Variants in ZNF140 observed in about 807,000 individuals in gnomAD.
ZNF140 encodes zinc finger protein 140, also known as zinc finger protein 140 (clone pHZ-39).
ZNF140 carries 13 observed loss-of-function variants against 12.9 expected under a neutral mutation model. The ratio of observed to expected loss-of-function variants is 1.01; its 90% CI spans 0.66 to 1.60. The LOEUF (loss-of-function observed/expected upper bound fraction) is 1.60. ZNF140 is among the 40% of genes most tolerant of loss of function. The pLI is 0.00. For missense variants in ZNF140, 531 were observed against 548.8 expected (o/e 0.97, Z 0.32); for synonymous variants, 214 against 186.7 (o/e 1.15, Z -1.19).
At position 133,104,095 on chromosome 12, in the gene ZNF140, T is replaced by G. The variant is rs1955470735; in HGVS notation, c.233-1415T>G. 3.9e-5 allele frequency among the ~76,000 whole-genome samples: 6 copies of G among 152,286 alleles called. No homozygotes were observed. In the South Asian group the frequency reaches 1.0e-3, roughly 26 times the overall value. On this transcript the variant is annotated intron_variant, in intron 4 of 4. Coordinates refer to ENST00000355557, the MANE Select transcript of ZNF140 (RefSeq NM_003440.4). The stretch of plus-strand genomic sequence containing the variant: ...ACTGTGAGAGCAATAACAGATAACA[T>G]TTTTCCCAAAGTGCCAACGTATGTT...
chr12:133,091,500 C>G (rs1397469224), intron 4 of ZNF140, among the ~76,000 whole-genome samples: 1 of 150,918 alleles, frequency 6.6e-6, no homozygotes, highest in East Asian at 1.9e-4. Flanking sequence ...TCTTCCCTTT[C>G]TACATAGGCA....
rs1297772962 is a variant in ZNF140 at position 133,081,367 on chromosome 12, ATAT to A, written c.9+39_9+41del. The A allele has an allele frequency of 5.8e-3, 1,521 of 264,336 alleles. 50 individuals carry two copies. The highest frequency in any genetic ancestry group is 8.0e-3 in the Non-Finnish European group (1,247 of 156,098). 16.4% of individuals were successfully genotyped at this position (264,336 alleles called of 1,614,324 possible). On this transcript the variant is annotated intron_variant, in intron 2 of 4. Coordinates refer to ENST00000355557, the MANE Select transcript of ZNF140 (RefSeq NM_003440.4). ...TTGATAAATATATATATATATATATATATAAATTTTTATTTTTTTTTTAAGAGA... is the reference window on the plus strand; with the variant it reads ...TTGATAAATATATATATATATATATAAAATTTTTATTTTTTTTTTAAGAGA...
chr12:133,090,165 G>T (rs1044717146), intron 4 of ZNF140, among the ~76,000 whole-genome samples: 2 of 151,806 alleles, frequency 1.3e-5, no homozygotes, highest in African/African-American at 4.8e-5. Flanking sequence ...TTTGAGACAG[G>T]ATCTTGCTCT....
At chr12:133,095,029 AC>A (rs1449164227) in intron 4 of ZNF140, among the ~76,000 whole-genome samples, 2 of 151,100 alleles carry the variant, frequency 1.3e-5, no homozygotes, top group Non-Finnish European at 2.9e-5. Flanking sequence ...GGCATCAGAA[AC>A]TGAAACTCTA....
chr12:133,099,337 C>T (rs1452243413), intron 4 of ZNF140, among the ~76,000 whole-genome samples: 3 of 151,860 alleles, frequency 2.0e-5, no homozygotes, highest in Admixed American at 6.6e-5. Flanking sequence ...CCACCACGTC[C>T]GGCTAATTTT....
At chr12:133,085,879 C>A (rs1954657944) in intron 4 of ZNF140, among the ~76,000 whole-genome samples, 1 of 152,086 alleles carries the variant, frequency 6.6e-6, no homozygotes, top group Non-Finnish European at 1.5e-5. Flanking sequence ...GCTAGCTAGG[C>A]ATGGTGGCAT....
intron 4 of ZNF140, among the ~76,000 whole-genome samples, chr12:133,101,696 A>G (rs771771082): frequency 4.0e-5 from 6 of 151,898 alleles, no homozygotes; most frequent in Non-Finnish European, 8.8e-5. Context: ...GCCAGCCTCC[A>G]CCTCCCAAAG....
At chr12:133,091,427 A>G (rs1467259862) in intron 4 of ZNF140, among the ~76,000 whole-genome samples, 3 of 151,350 alleles carry the variant, frequency 2.0e-5, no homozygotes, top group Admixed American at 1.3e-4. Flanking sequence ...GCTACAAATT[A>G]ACAACATCTC....
At chr12:133,095,393 T>G (rs1955034869) in intron 4 of ZNF140, among the ~76,000 whole-genome samples, 1 of 150,832 alleles carries the variant, frequency 6.6e-6, no homozygotes, top group African/African-American at 2.5e-5. Flanking sequence ...TACTTGGGAA[T>G]CTCTCGTCGG....
intron 4 of ZNF140, among the ~76,000 whole-genome samples, chr12:133,087,084 G>C (rs1230537006): frequency 6.6e-6 from 1 of 151,992 alleles, no homozygotes; most frequent in Non-Finnish European, 1.5e-5. Context: ...TAAGTAAACA[G>C]GGCTACCATT....
At chr12:133,098,918 C>G (rs990108621) in intron 4 of ZNF140, among the ~76,000 whole-genome samples, 1 of 152,148 alleles carries the variant, frequency 6.6e-6, no homozygotes, top group Non-Finnish European at 1.5e-5. Context: ...GAGTCTTGCT[C>G]TGTCACCCAG....
At chr12:133,098,922 C>T (rs1178786647) in intron 4 of ZNF140, among the ~76,000 whole-genome samples, 1 of 151,142 alleles carries the variant, frequency 6.6e-6, no homozygotes, top group Non-Finnish European at 1.5e-5. Context: ...CTTGCTCTGT[C>T]ACCCAGGCTG....
chr12:133,081,437 A>G, intron 2 of ZNF140, 108 bp downstream of exon 2: 1 of 397,704 alleles, frequency 2.5e-6, no homozygotes, highest in South Asian at 1.8e-5. Context: ...TGGAGCGATC[A>G]TAGCATCCTG....
At chr12:133,086,607 T>A (rs1954684356) in intron 4 of ZNF140, among the ~76,000 whole-genome samples, 1 of 152,212 alleles carries the variant, frequency 6.6e-6, no homozygotes, top group Admixed American at 6.5e-5. Context: ...TTTTTAACCT[T>A]CATAGCTTCT....
chr12:133,089,452 A>T (rs1299559896), intron 4 of ZNF140, among the ~76,000 whole-genome samples: 1 of 152,224 alleles, frequency 6.6e-6, no homozygotes, highest in South Asian at 2.1e-4. Flanking sequence ...AGGTTCAAGC[A>T]ATCTGCCCAC....
intron 4 of ZNF140, among the ~76,000 whole-genome samples, chr12:133,085,086 G>A (rs114122372): frequency 6.6e-6 from 1 of 151,764 alleles, no homozygotes; most frequent in Admixed American, 6.6e-5. Flanking sequence ...GTGCGATGGC[G>A]CGATCTCAGC....
At chr12:133,081,962 CA>C (rs1300665169) in intron 2 of ZNF140, 1 of 157,988 alleles carries the variant, frequency 6.3e-6, no homozygotes, top group Non-Finnish European at 1.4e-5. Context: ...AGCAGTCTAA[CA>C]GTCCTTCCAA....
intron 4 of ZNF140, among the ~76,000 whole-genome samples, chr12:133,102,018 G>A (rs1418614954): frequency 1.3e-5 from 2 of 151,906 alleles, no homozygotes; most frequent in Admixed American, 1.3e-4. Flanking sequence ...TGGACATGAT[G>A]TACTGAGTAA....
At chr12:133,105,414 T>G in intron 4 of ZNF140, 96 bp from the exon 5 acceptor site, 3 of 1,338,082 alleles carry the variant, frequency 2.2e-6, no homozygotes, top group Non-Finnish European at 3.0e-6. Context: ...ATAAGATTTT[T>G]TGAAACTTCA....
Sources: allele counts gnomAD v4.1 joint callset (sites outside exome capture counted in the v4.1 genomes callset), GRCh38; gene constraint gnomAD v4.1.1; transcripts MANE v1.5; gene names NCBI Gene and HGNC (gene_info 2026-07-23, HGNC 2026-07-21).